Variants in FAM124A observed in about 807,000 individuals in gnomAD.
FAM124A encodes protein FAM124A.
A neutral mutation model predicts 24.5 loss-of-function variants in FAM124A; 23 were observed. The observed-to-expected ratio is 0.94, with a 90% CI of 0.68 to 1.33. The LOEUF is 1.33. FAM124A is among the 40% of genes most tolerant of loss of function. FAM124A has a pLI of 0.00. For synonymous variants in FAM124A, 287 were observed against 314.7 expected, an observed-to-expected ratio of 0.91 and a Z score of 0.93; for missense variants, 623 against 722.8, an observed-to-expected ratio of 0.86 and a Z score of 1.58.
At chr13:51,274,457 G>T (rs546466587) in intron 3 of FAM124A, among the ~76,000 whole-genome samples, 31 of 152,288 alleles carry the variant, frequency 2.0e-4, no homozygotes, top group African/African-American at 7.0e-4. Flanking sequence ...TCAGATTTGG[G>T]ATTAGGAATA....
At chr13:51,271,571 C>T (rs1440175835) in intron 3 of FAM124A, among the ~76,000 whole-genome samples, 1 of 152,100 alleles carries the variant, frequency 6.6e-6, no homozygotes, top group African/African-American at 2.4e-5. Flanking sequence ...CTGGGACCCA[C>T]CCCGGAGATT....
chr13:51,231,196 A>G lies in FAM124A; in HGVS notation c.69-152A>G, dbSNP rs117994759. 8.9e-4 allele frequency: 723 copies of G among 815,916 alleles called. 11 individuals carry two copies. In the East Asian group the frequency reaches 0.015, roughly 17 times the overall value. The allele number at this position is 815,916 out of a possible 1,614,324, so 50.5% of individuals were successfully genotyped here. On this transcript the variant is annotated intron_variant, in intron 1 of 3. Coordinates refer to ENST00000322475, the MANE Select transcript of FAM124A (RefSeq NM_001242312.2). ...TTCTTTCAAATTCAGACATAACTTT[A>G]TTTTGCATAAAATGAGCCTTAGCAC...
At chr13:51,229,904 G>T (rs1039783614) in intron 1 of FAM124A, among the ~76,000 whole-genome samples, 6 of 152,042 alleles carry the variant, frequency 3.9e-5, no homozygotes, top group African/African-American at 1.2e-4. Context: ...CCTCTCTGTT[G>T]TCTCCCTTAG....
At chr13:51,245,266 C>A in intron 2 of FAM124A, 2 of 618,954 alleles carry the variant, frequency 3.2e-6, no homozygotes, top group Non-Finnish European at 5.9e-6. Flanking sequence ...ATTTGCACAG[C>A]ATGTGAAAAT....
chr13:51,271,889 T>G (rs760309915), intron 3 of FAM124A, among the ~76,000 whole-genome samples: 1 of 152,170 alleles, frequency 6.6e-6, no homozygotes, highest in Non-Finnish European at 1.5e-5. Context: ...TGGAAGGTTT[T>G]GAGGGTGTTG....
At chr13:51,266,770 A>G (rs1278597452) in intron 3 of FAM124A, among the ~76,000 whole-genome samples, 1 of 152,212 alleles carries the variant, frequency 6.6e-6, no homozygotes, top group Non-Finnish European at 1.5e-5. Flanking sequence ...AGGAATAAGA[A>G]AAGTCCTGCC....
At chr13:51,274,623 T>C (rs1235530673) in intron 3 of FAM124A, among the ~76,000 whole-genome samples, 1 of 152,190 alleles carries the variant, frequency 6.6e-6, no homozygotes, top group African/African-American at 2.4e-5. Flanking sequence ...TAATATTTAT[T>C]GGTATTTATG....
At chr13:51,267,657 A>G (rs1954801744) in intron 3 of FAM124A, among the ~76,000 whole-genome samples, 2 of 152,084 alleles carry the variant, frequency 1.3e-5, no homozygotes, top group Non-Finnish European at 2.9e-5. Flanking sequence ...AACAATGCAA[A>G]TGAGAAATGT....
intron 2 of FAM124A, among the ~76,000 whole-genome samples, chr13:51,234,008 G>A (rs541205889): frequency 1.7e-4 from 26 of 152,236 alleles, no homozygotes; most frequent in African/African-American, 6.3e-4. Context: ...CATTGTCCCA[G>A]TCCCAGTTTG....
intron 3 of FAM124A, among the ~76,000 whole-genome samples, chr13:51,264,580 C>T (rs1480955997): frequency 3.9e-5 from 6 of 151,938 alleles, no homozygotes; most frequent in African/African-American, 7.3e-5. Flanking sequence ...TCTATGATCG[C>T]GTCCGTGAAT....
At chr13:51,229,633 T>C (rs893188097) in intron 1 of FAM124A, among the ~76,000 whole-genome samples, 17 of 152,180 alleles carry the variant, frequency 1.1e-4, no homozygotes, top group African/African-American at 3.6e-4. Flanking sequence ...ATATCGCCAT[T>C]CTTATTGTGT....
intron 2 of FAM124A, among the ~76,000 whole-genome samples, chr13:51,247,305 A>C (rs1293524035): frequency 1.3e-5 from 2 of 152,242 alleles, no homozygotes. Flanking sequence ...CTGATGGTGC[A>C]CACGGAACTC....
intron 3 of FAM124A, among the ~76,000 whole-genome samples, chr13:51,262,514 C>T (rs1453782795): frequency 6.6e-6 from 1 of 151,860 alleles, no homozygotes; most frequent in African/African-American, 2.4e-5. Flanking sequence ...TAAATTTTTT[C>T]TTCTTTCTCT....
chr13:51,283,522 A>G lies in FAM124A; in HGVS notation c.*2266A>G, dbSNP rs760540846. 5 of 152,052 alleles carry G rather than the reference A, an allele frequency of 3.3e-5. No homozygotes were observed. The highest frequency in any genetic ancestry group is 5.9e-5 in the Non-Finnish European group (4 of 68,034). The allele number at this position is 152,052 out of a possible 1,614,324, so 9.4% of individuals were successfully genotyped here. On this transcript the variant is annotated 3_prime_UTR_variant, in exon 4 of 4. Coordinates refer to ENST00000322475, the MANE Select transcript of FAM124A (RefSeq NM_001242312.2). ...GTGTGTCATGCCAAAAAAGTGGGCT[A>G]CTCAGGTTAGACCAATGACTTCAGA...
At chr13:51,233,652 C>T (rs77733101) in intron 2 of FAM124A, among the ~76,000 whole-genome samples, 27,909 of 151,984 alleles carry the variant, frequency 0.18, 2,656 homozygotes, top group East Asian at 0.32. Flanking sequence ...TAAATCCTGG[C>T]GCCACCTACT....
chr13:51,250,131 T>G (rs945984365), intron 2 of FAM124A, among the ~76,000 whole-genome samples: 3 of 152,240 alleles, frequency 2.0e-5, no homozygotes, highest in Non-Finnish European at 4.4e-5. Context: ...ACCATGTTAT[T>G]GCAGCTGTAC....
intron 3 of FAM124A, chr13:51,253,560 A>G (rs1954647592): frequency 6.6e-6 from 1 of 152,260 alleles, no homozygotes; most frequent in Admixed American, 6.5e-5. Flanking sequence ...AGTTGCACCA[A>G]GTAAAAGTTA....
intron 3 of FAM124A, among the ~76,000 whole-genome samples, chr13:51,263,761 A>G (rs1954759314): frequency 6.6e-6 from 1 of 152,210 alleles, no homozygotes; most frequent in African/African-American, 2.4e-5. Flanking sequence ...TTTATAAATT[A>G]TATACTGCCG....
chr13:51,267,257 T>G (rs1954793647), intron 3 of FAM124A, among the ~76,000 whole-genome samples: 1 of 152,252 alleles, frequency 6.6e-6, no homozygotes. Flanking sequence ...TAAACCCTCC[T>G]GTGGAAGAAA....
Sources: allele counts gnomAD v4.1 joint callset (sites outside exome capture counted in the v4.1 genomes callset), GRCh38; gene constraint gnomAD v4.1.1; transcripts MANE v1.5; gene names NCBI Gene and HGNC (gene_info 2026-07-23, HGNC 2026-07-21).